TMSB15B: variants seen among roughly 807,000 people sequenced by gnomAD.
TMSB15B encodes the protein thymosin beta-15B.
intron 1 of TMSB15B, among the ~76,000 whole-genome samples, chrX:103,945,583 C>G (rs2075023534): frequency 8.9e-6 from 1 of 112,389 alleles, no homozygotes; most frequent in Non-Finnish European, 1.9e-5. Flanking sequence ...TCCACCCCCT[C>G]TCAACACTGT....
intron 1 of TMSB15B, among the ~76,000 whole-genome samples, chrX:103,933,386 C>T (rs1469576295): frequency 5.4e-5 from 6 of 110,840 alleles, no homozygotes; most frequent in Non-Finnish European, 1.1e-4. Context: ...AAAAGAGATA[C>T]GCTCAGACGA....
chrX:103,922,610 C>T (rs1450532427), intron 1 of TMSB15B, among the ~76,000 whole-genome samples: 6 of 110,890 alleles, frequency 5.4e-5, no homozygotes, highest in East Asian at 5.6e-4. Flanking sequence ...CTATTATTGA[C>T]GGACATTTGG....
At chrX:103,922,315 G>A (rs1217540914) in intron 1 of TMSB15B, among the ~76,000 whole-genome samples, 5 of 106,418 alleles carry the variant, frequency 4.7e-5, no homozygotes, top group Admixed American at 1.0e-4. Flanking sequence ...CCATTAACTC[G>A]TCATTTACAT....
chrX:103,946,430 C>A (rs1306806580), intron 1 of TMSB15B, among the ~76,000 whole-genome samples: 6 of 112,045 alleles, frequency 5.4e-5, no homozygotes, highest in Non-Finnish European at 9.4e-5. Flanking sequence ...TGCTTAGGGA[C>A]CATGATGGGT....
Position 103,928,989 on chromosome X carries a change from A to G in TMSB15B, c.-721+9697A>G, listed in dbSNP as rs144010896. The stretch of plus-strand genomic sequence containing the variant: ...TCCATGACTTCCTGCAGAGGAAGTC[A>G]CACTCCAGGAAAGAGCTGAAGACTG... On this transcript the variant is annotated intron_variant, in intron 1 of 3. Coordinates refer to the TMSB15B transcript ENST00000419165. 5,389 of 1,184,907 alleles carry G rather than the reference A, an allele frequency of 4.5e-3. 152 individuals are homozygous for G. The African/African-American group carries it at 0.082, about 18-fold the overall frequency.
intron 1 of TMSB15B, among the ~76,000 whole-genome samples, chrX:103,944,482 T>A (rs1291713952): frequency 8.9e-6 from 1 of 112,422 alleles, no homozygotes; most frequent in Admixed American, 9.4e-5. Context: ...TCAAACATTT[T>A]GGGTTTAGAA....
chrX:103,926,129 A>G (rs1556318776), intron 1 of TMSB15B, among the ~76,000 whole-genome samples: 1 of 109,516 alleles, frequency 9.1e-6, no homozygotes, highest in African/African-American at 3.3e-5. Context: ...AGGCAGAGGG[A>G]CCCTCCCAGT....
chrX:103,949,454 G>T (rs1556327953), intron 1 of TMSB15B, among the ~76,000 whole-genome samples: 1 of 111,926 alleles, frequency 8.9e-6, no homozygotes, highest in Non-Finnish European at 1.9e-5. Flanking sequence ...TGTACCAATG[G>T]AGATGGTGAG....
At chrX:103,933,046 A>G (rs1269891169) in intron 1 of TMSB15B, 1 of 112,041 alleles carries the variant, frequency 8.9e-6, no homozygotes, top group Non-Finnish European at 1.9e-5. Flanking sequence ...ATGTTTTATG[A>G]CAAATCATTA....
intron 1 of TMSB15B, among the ~76,000 whole-genome samples, chrX:103,922,755 A>C (rs2074957393): frequency 9.0e-6 from 1 of 111,574 alleles, no homozygotes; most frequent in African/African-American, 3.3e-5. Context: ...TGGTATTTCT[A>C]GTTCTAGATC....
At chrX:103,942,078 A>G (rs1556325447) in intron 1 of TMSB15B, among the ~76,000 whole-genome samples, 1 of 111,732 alleles carries the variant, frequency 8.9e-6, no homozygotes, top group African/African-American at 3.2e-5. Flanking sequence ...TTCCATTTTA[A>G]TGATTTCTTT....
intron 1 of TMSB15B, among the ~76,000 whole-genome samples, chrX:103,951,824 T>C (rs1556328332): frequency 3.6e-5 from 4 of 110,920 alleles, no homozygotes; most frequent in Non-Finnish European, 7.6e-5. Context: ...GATCAATGGA[T>C]TGGAGATTCT....
chrX:103,928,289 G>A (rs1367395826), intron 1 of TMSB15B: 256 of 1,201,674 alleles, frequency 2.1e-4, no homozygotes, highest in Non-Finnish European at 2.7e-4. Context: ...AGTGTCAGAG[G>A]CTGTGAGACA....
At chrX:103,929,231 C>A (rs2074977998) in intron 1 of TMSB15B, among the ~76,000 whole-genome samples, 1 of 112,234 alleles carries the variant, frequency 8.9e-6, no homozygotes, top group African/African-American at 3.2e-5. Context: ...GCCCCAGTCT[C>A]TCCACAGCTT....
At position 103,940,509 on chromosome X, in the gene TMSB15B, C is replaced by T. The variant is rs1168428042; in HGVS notation, c.-721+21217C>T. On this transcript the variant is annotated intron_variant, in intron 1 of 3. Transcript: ENST00000419165. ...CAGTAATGGCAGATCCCCTCTCCCC[C>T]CACCAAGATCGAGCATCTCAGGTCA... is the stretch of plus-strand genomic sequence containing the variant. Among the ~76,000 whole-genome samples, 12 of 111,380 alleles carry T rather than the reference C, an allele frequency of 1.1e-4. No individual in the cohort carries two copies. The Admixed American group carries it at 1.1e-3, about 11-fold the overall frequency.
At chrX:103,948,744 T>C (rs1323146250) in intron 1 of TMSB15B, among the ~76,000 whole-genome samples, 1 of 112,280 alleles carries the variant, frequency 8.9e-6, no homozygotes, top group Admixed American at 9.4e-5. Context: ...ATGCAAAAAA[T>C]CACCAGAAAA....
At chrX:103,950,611 A>C (rs2075036723) in intron 1 of TMSB15B, among the ~76,000 whole-genome samples, 1 of 109,226 alleles carries the variant, frequency 9.2e-6, no homozygotes. Context: ...AGCCAAGAGA[A>C]AAATATATAT....
intron 1 of TMSB15B, among the ~76,000 whole-genome samples, chrX:103,921,123 G>C (rs1371324223): frequency 2.7e-5 from 3 of 112,104 alleles, no homozygotes; most frequent in East Asian, 2.8e-4. Flanking sequence ...ACCCCAAGAT[G>C]TAGAGTTCCT....
At chrX:103,928,930 A>G in intron 1 of TMSB15B, 2 of 1,206,676 alleles carry the variant, frequency 1.7e-6, no homozygotes, top group Admixed American at 4.4e-5. Context: ...GGTCATCCTA[A>G]GGTCCAGTGT....
Sources: gnomAD v4.1 joint callset for allele counts (sites outside exome capture counted in the v4.1 genomes callset) on GRCh38, gnomAD v4.1.1 for gene constraint, MANE v1.5 for transcripts, NCBI Gene and HGNC (gene_info 2026-07-23, HGNC 2026-07-21) for gene names.